MROH2A: variants seen among roughly 807,000 people sequenced by gnomAD.
MROH2A encodes maestro heat-like repeat-containing protein family member 2A.
MROH2A carries 174 observed loss-of-function variants against 200.4 expected under a neutral mutation model. That is an observed-to-expected ratio of 0.87 (90% CI 0.77 to 0.98). The LOEUF is 0.98. Among genes scored for constraint, MROH2A ranks in the 50% least tolerant of loss-of-function variants. The pLI, the probability that MROH2A is intolerant of heterozygous loss-of-function variation, is 0.00. For missense variants in MROH2A, 2,045 were observed against 2,139.6 expected (o/e 0.96, Z 0.87); for synonymous variants, 829 against 840.4 (o/e 0.99, Z 0.23).
rs1298162036 is a variant in MROH2A, at chr2:233,817,998, T to G, written c.2962-4T>G. On this transcript the variant is annotated splice_region_variant and splice_polypyrimidine_tract_variant and intron_variant, in intron 27 of 41. Coordinates refer to ENST00000389758, the MANE Select transcript of MROH2A (RefSeq NM_001394639.1). ...TGTGAGCCCCACGGTCTCCTGTCCC[T>G]CAGATCCACCTAAAGCTGGGGCAGT... is the stretch of plus-strand genomic sequence containing the variant. 8.4e-6 allele frequency: 13 copies of G among 1,550,846 alleles called. No individual in the cohort carries two copies. The East Asian group carries it at 3.2e-4, about 38-fold the overall frequency.
intron 25 of MROH2A, among the ~76,000 whole-genome samples, chr2:233,814,105 C>A (rs766107439): frequency 9.2e-5 from 14 of 152,192 alleles, no homozygotes; most frequent in Non-Finnish European, 1.6e-4. Context: ...GTGCATGAAT[C>A]CCAAGATCCC....
At position 233,803,972 on chromosome 2, in the gene MROH2A, T is replaced by C. The variant is rs897385818; in HGVS notation, c.1750-79T>C. On this transcript the variant is annotated intron_variant, in intron 16 of 41. Coordinates refer to ENST00000389758, the MANE Select transcript of MROH2A (RefSeq NM_001394639.1). ...ACCGATCTTGTCCAGCTCCTCCCTT[T>C]AAAAATGAGGACAAAGAGCTCCAAG... 14 of 1,505,446 alleles carry C rather than the reference T, an allele frequency of 9.3e-6. No individual in the cohort carries two copies. The Admixed American group carries it at 3.0e-4, about 33-fold the overall frequency. The allele number at this position is 1,505,446 out of a possible 1,614,324, so 93.3% of individuals were successfully genotyped here.
chr2:233,791,825 G>A (rs924258524), intron 5 of MROH2A, among the ~76,000 whole-genome samples: 6 of 152,058 alleles, frequency 3.9e-5, no homozygotes, highest in Non-Finnish European at 7.4e-5. Context: ...ACGGCTTGCT[G>A]GGGATAAAGG....
Position 233,779,362 on chromosome 2 carries a change from A to G in MROH2A, c.4A>G (p.Thr2Ala). The G allele has an allele frequency of 6.5e-7, 1 of 1,547,920 alleles. No homozygotes were observed. Among genetic ancestry groups the G allele is most frequent in the Non-Finnish European group, 8.7e-7 (1 of 1,144,562 alleles). Residue 2 changes from threonine to alanine, a missense_variant, in exon 2 of 42, where the codon ACT (threonine) becomes GCT (alanine). Physicochemically the swap from Thr to Ala is moderately conservative, Grantham distance 58. Coordinates refer to ENST00000389758, the MANE Select transcript of MROH2A (RefSeq NM_001394639.1). MTEAITEAAVAS... is the reference protein window; with the variant it reads MAEAITEAAVAS... Reference sequence around the variant, plus strand: ...CTCAAAAGAGCTTGAGGAAGAGATGACTGAAGCCATTACAGAAGCAGCAGT... The same window carrying G: ...CTCAAAAGAGCTTGAGGAAGAGATGGCTGAAGCCATTACAGAAGCAGCAGT...
At chr2:233,779,126 G>A (rs1193646177) in intron 1 of MROH2A, among the ~76,000 whole-genome samples, 1 of 152,196 alleles carries the variant, frequency 6.6e-6, no homozygotes, top group Non-Finnish European at 1.5e-5. Context: ...GGCATAGTGT[G>A]ATCATGGGAA....
intron 3 of MROH2A, among the ~76,000 whole-genome samples, chr2:233,783,039 A>T (rs550813428): frequency 6.6e-6 from 1 of 152,240 alleles, no homozygotes. Context: ...TGTGTATTGG[A>T]CCATCCTTAC....
chr2:233,802,087 A>G (rs1702508672), intron 14 of MROH2A, 81 bp from the exon 15 acceptor site: 2 of 1,427,060 alleles, frequency 1.4e-6, no homozygotes, highest in Non-Finnish European at 9.4e-7. Context: ...GGATGGCACC[A>G]TGGCAGAGCC....
At chr2:233,787,826 AT>A (rs1701371425) in intron 3 of MROH2A, among the ~76,000 whole-genome samples, 1 of 10,860 alleles carries the variant, frequency 9.2e-5, no homozygotes, top group Non-Finnish European at 2.2e-4. Flanking sequence ...TATAATATAT[AT>A]TATATATACA....
At chr2:233,826,071 T>C (rs1704287628) in intron 35 of MROH2A, among the ~76,000 whole-genome samples, 1 of 152,016 alleles carries the variant, frequency 6.6e-6, no homozygotes, top group African/African-American at 2.4e-5. Context: ...ACTGTAGGCA[T>C]GTGCCACCAC....
upstream of MROH2A, among the ~76,000 whole-genome samples, chr2:233,776,822 G>A (rs1423749120): frequency 1.3e-5 from 2 of 152,188 alleles, no homozygotes; most frequent in African/African-American, 4.8e-5. Context: ...GGTCCTGGCT[G>A]GCCTGTGACC....
At chr2:233,782,922 T>C (rs1292199406) in intron 3 of MROH2A, among the ~76,000 whole-genome samples, 1 of 144,556 alleles carries the variant, frequency 6.9e-6, no homozygotes, top group Non-Finnish European at 1.5e-5. Context: ...TAAAAAATCA[T>C]AAAGGGCTGC....
chr2:233,788,263 GTAATAATAATAATAATAATAA>G (rs71973977), intron 3 of MROH2A, among the ~76,000 whole-genome samples: 1 of 128,506 alleles, frequency 7.8e-6, no homozygotes, highest in Non-Finnish European at 1.6e-5. Flanking sequence ...GTCCTTGGGA[GTAATAATAATAATAATAATAA>G]TAATAATAAT....
intron 26 of MROH2A, among the ~76,000 whole-genome samples, chr2:233,815,993 C>T (rs960845199): frequency 6.6e-5 from 10 of 152,008 alleles, no homozygotes; most frequent in East Asian, 1.9e-4. Context: ...TGGGAGTTTC[C>T]GAGAATCTTT....
Position 233,809,199 on chromosome 2 carries a change from G to A in MROH2A, c.2369G>A (p.Cys790Tyr). Residue 790 changes from cysteine to tyrosine, a missense_variant, in exon 22 of 42, where the codon TGC (cysteine) becomes TAC (tyrosine). By Grantham distance (194) the Cys-to-Tyr change is radical. Around this residue, in one of 3 missense-constraint regions of MROH2A, gnomAD observed 1,201 missense variants for 1,311.3 expected, o/e 0.92. Transcript: ENST00000389758. ...ATGTATAGCTGCGTGGCCTCCTACT[G>A]CCACCCCCAGTTGCTCCTCAACCTC... ...MVMYSCVASY[C>Y]HPQLLLNLVD... 2 of 1,550,500 alleles carry A rather than the reference G, an allele frequency of 1.3e-6. No homozygotes were observed. The highest frequency in any genetic ancestry group is 8.7e-7 in the Non-Finnish European group (1 of 1,146,976).
chr2:233,825,008 G>C (rs1237477511), intron 35 of MROH2A, among the ~76,000 whole-genome samples: 1 of 152,124 alleles, frequency 6.6e-6, no homozygotes, highest in Non-Finnish European at 1.5e-5. Context: ...TTTGAGCAGA[G>C]GTTTGTAGTT....
Position 233,822,239 on chromosome 2 carries a change from T to G in MROH2A, c.3628T>G (p.Ser1210Ala), listed in dbSNP as rs1703992574. The G allele has an allele frequency of 1.6e-5, 25 of 1,547,894 alleles. No homozygotes were observed. The highest frequency in any genetic ancestry group is 2.2e-5 in the Non-Finnish European group (25 of 1,146,982). The change falls in exon 32 of 42, where the codon TCC (serine) becomes GCC (alanine). Residue 1210 changes from serine to alanine, a missense_variant. By Grantham distance (99) the Ser-to-Ala change is moderately conservative. Transcript: ENST00000389758. ...SRLSPRISAT[S>A]KADIWRLAAV... Reference sequence around the variant, plus strand: ...GCTCAGCCCCAGAATCAGTGCCACCTCCAAGGCTGACATCTGGCGCCTGGC... The same window carrying G: ...GCTCAGCCCCAGAATCAGTGCCACCGCCAAGGCTGACATCTGGCGCCTGGC...
intron 15 of MROH2A, among the ~76,000 whole-genome samples, chr2:233,803,197 G>A (rs893886162): frequency 3.3e-5 from 5 of 152,210 alleles, no homozygotes; most frequent in African/African-American, 1.2e-4. Flanking sequence ...TACAAAATGC[G>A]CATGGCCTGA....
At chr2:233,792,929 G>T (rs150443896) in intron 6 of MROH2A, 35 bp downstream of exon 6, 4 of 1,547,770 alleles carry the variant, frequency 2.6e-6, no homozygotes, top group East Asian at 4.9e-5. Flanking sequence ...GGTCTGGCTC[G>T]ATCAGGGCGC....
chr2:233,831,544 A>G lies in MROH2A; in HGVS notation c.4734+4A>G. 1 of 1,548,196 alleles carries G rather than the reference A, an allele frequency of 6.5e-7. No individual in the cohort carries two copies. The highest frequency in any genetic ancestry group is 8.7e-7 in the Non-Finnish European group (1 of 1,145,886). ...GACAACCATGTGCTCCATCCTGGTGAGGAAGCCAAAGGGGGAACCAGCCCG... is the reference window on the plus strand; with the variant it reads ...GACAACCATGTGCTCCATCCTGGTGGGGAAGCCAAAGGGGGAACCAGCCCG... On this transcript the variant is annotated splice_donor_region_variant and intron_variant, in intron 39 of 41. Coordinates refer to ENST00000389758, the MANE Select transcript of MROH2A (RefSeq NM_001394639.1).
Sources: gnomAD v4.1 joint callset for allele counts (sites outside exome capture counted in the v4.1 genomes callset) on GRCh38, gnomAD v4.1.1 for gene constraint, gnomAD v4.1.1 regional missense constraint, MANE v1.5 for transcripts, NCBI Gene and HGNC (gene_info 2026-07-23, HGNC 2026-07-21) for gene names.